The following DRC7 variants were observed in gnomAD, a reference collection of about 807,000 sequenced individuals.
DRC7 encodes dynein regulatory complex subunit 7.
A neutral mutation model predicts 104.4 loss-of-function variants in DRC7; 80 were observed. That is an observed-to-expected ratio of 0.77 (90% confidence interval 0.64 to 0.92). DRC7 has a LOEUF of 0.92. Among genes scored for constraint, DRC7 ranks in the 40% least tolerant of loss-of-function variants. The pLI is 0.00. For missense variants in DRC7, 1,034 were observed against 1,141.1 expected (o/e 0.91, Z 1.35); for synonymous variants, 405 against 447.3 (o/e 0.91, Z 1.19).
At position 57,722,988 on chromosome 16, in the gene DRC7, C is replaced by T. The variant is rs1409824806; in HGVS notation, c.1409-14C>T. On this transcript the variant is annotated splice_polypyrimidine_tract_variant and intron_variant, in intron 11 of 18. Coordinates refer to ENST00000360716, the MANE Select transcript of DRC7 (RefSeq NM_001289162.2). Reference sequence around the variant, plus strand: ...AGCTGGCCTGGCTGCGGCAAGTGTCCATCGGCCCCACAGGTACCAATATTT... The same window carrying T: ...AGCTGGCCTGGCTGCGGCAAGTGTCTATCGGCCCCACAGGTACCAATATTT... The T allele has an allele frequency of 6.2e-7, 1 of 1,613,740 alleles. No individual in the cohort carries two copies. Among genetic ancestry groups the T allele is most frequent in the South Asian group, 1.1e-5 (1 of 91,066 alleles).
chr16:57,718,513 T>C (rs201587629), intron 9 of DRC7, 38 bp downstream of exon 9: 2 of 1,610,096 alleles, frequency 1.2e-6, no homozygotes, highest in African/African-American at 2.7e-5. Context: ...GGAATGTGTG[T>C]GAAGGCTTCA....
intron 8 of DRC7, among the ~76,000 whole-genome samples, chr16:57,713,240 A>G (rs1419825900): frequency 6.6e-6 from 1 of 152,222 alleles, no homozygotes; most frequent in Non-Finnish European, 1.5e-5. Flanking sequence ...ATAAATGTCA[A>G]TAATCTCAAG....
chr16:57,728,668 T>C (rs1457434007), intron 17 of DRC7, 84 bp downstream of exon 17: 25 of 1,196,498 alleles, frequency 2.1e-5, no homozygotes, highest in Non-Finnish European at 2.9e-5. Flanking sequence ...GCCCACTACC[T>C]CACAGGCTTG....
intron 8 of DRC7, chr16:57,707,976 C>A (rs1597799434): frequency 1.6e-5 from 7 of 440,546 alleles, no homozygotes; most frequent in Non-Finnish European, 2.5e-5. Flanking sequence ...TCATCCCATG[C>A]ATACATACAG....
chr16:57,710,271 G>C (rs575092620), intron 8 of DRC7, among the ~76,000 whole-genome samples: 8 of 152,094 alleles, frequency 5.3e-5, no homozygotes, highest in Middle Eastern at 6.8e-3. Context: ...TAAATATTTC[G>C]CTTTTTGATG....
intron 8 of DRC7, among the ~76,000 whole-genome samples, chr16:57,716,471 C>T (rs1341354642): frequency 6.6e-6 from 1 of 150,958 alleles, no homozygotes; most frequent in East Asian, 1.9e-4. Flanking sequence ...CCACTGCACT[C>T]CAGCCTGGGC....
intron 17 of DRC7, 130 bp downstream of exon 17, chr16:57,728,714 T>C: frequency 1.5e-6 from 1 of 686,946 alleles, no homozygotes. Flanking sequence ...TGTCAATGCT[T>C]GGGGTTTCCA....
intron 8 of DRC7, among the ~76,000 whole-genome samples, chr16:57,713,388 T>A (rs755311346): frequency 6.6e-6 from 1 of 152,254 alleles, no homozygotes; most frequent in Non-Finnish European, 1.5e-5. Flanking sequence ...TCTATCAGTA[T>A]TTGCTTCATG....
intron 12 of DRC7, among the ~76,000 whole-genome samples, 198 bp downstream of exon 12, chr16:57,723,328 G>A (rs2048926427): frequency 6.6e-6 from 1 of 152,158 alleles, no homozygotes; most frequent in Admixed American, 6.5e-5. Flanking sequence ...AAATTCTAAG[G>A]AAATATAACA....
At chr16:57,700,316 G>C (rs772840334) in intron 5 of DRC7, 46 bp downstream of exon 5, 14 of 1,574,828 alleles carry the variant, frequency 8.9e-6, no homozygotes, top group Non-Finnish European at 1.2e-5. Context: ...CCAGGACTAA[G>C]ATGGTGTGAG....
At chr16:57,707,406 C>T in intron 7 of DRC7, 54 bp from the exon 8 acceptor site, 1 of 1,536,238 alleles carries the variant, frequency 6.5e-7, no homozygotes, top group Non-Finnish European at 8.8e-7. Context: ...GTCTGGGCCC[C>T]TGACACTCCT....
chr16:57,713,595 C>T (rs371471035), intron 8 of DRC7, among the ~76,000 whole-genome samples: 1 of 152,194 alleles, frequency 6.6e-6, no homozygotes, highest in East Asian at 1.9e-4. Flanking sequence ...CTTTGCAGAA[C>T]TGTGAGTCCA....
At chr16:57,696,140 A>G (rs1292917206) in intron 1 of DRC7, among the ~76,000 whole-genome samples, 2 of 152,324 alleles carry the variant, frequency 1.3e-5, no homozygotes, top group East Asian at 3.9e-4. Flanking sequence ...AGAAATGGAA[A>G]GACCCCAGCT....
At position 57,726,841 on chromosome 16, in the gene DRC7, A is replaced by T; in HGVS notation, c.1984A>T (p.Met662Leu). Residue 662 changes from methionine (M) to leucine (L), a missense_variant, in exon 15 of 19, where the codon ATG becomes TTG. Coordinates refer to ENST00000360716, the MANE Select transcript of DRC7 (RefSeq NM_001289162.2). Reference sequence around the variant, plus strand: ...GTGGTTGTTGTCCCAGGTGGAGCCCATGGAGCACACCAAGAAGCTGCTCTA... The same window carrying T: ...GTGGTTGTTGTCCCAGGTGGAGCCCTTGGAGCACACCAAGAAGCTGCTCTA... ...DMCISFEVEP[M>L]EHTKKLLYQY... 6.2e-7 allele frequency: 1 copy of T among 1,611,142 alleles called. No individual in the cohort carries two copies. The highest frequency in any genetic ancestry group is 8.5e-7 in the Non-Finnish European group (1 of 1,178,290).
At chr16:57,702,988 G>A (rs541644525) in intron 6 of DRC7, among the ~76,000 whole-genome samples, 9 of 151,652 alleles carry the variant, frequency 5.9e-5, no homozygotes, top group African/African-American at 1.5e-4. Context: ...GACTCAAGCC[G>A]TCCTCCTGCC....
rs772479177 is a variant in DRC7, at chr16:57,724,652, T to A, written c.1575T>A (p.Arg525=). ...SYKSMQPEMD[R]VIEFYETARV... ...AGTCCATGCAACCTGAGATGGACCG[T>A]GTCATTGAGTTTTATGAAACGGCCC... Residue 525 remains arginine, a synonymous_variant, in exon 13 of 19, where the codon CGT becomes CGA. Coordinates refer to ENST00000360716, the MANE Select transcript of DRC7 (RefSeq NM_001289162.2). 6.2e-7 allele frequency: 1 copy of A among 1,613,742 alleles called. No individual in the cohort carries two copies. Among genetic ancestry groups the A allele is most frequent in the South Asian group, 1.1e-5 (1 of 91,058 alleles).
At chr16:57,695,191 A>ACGTCGG (rs1335016048) in intron 1 of DRC7, among the ~76,000 whole-genome samples, 1 of 121,652 alleles carries the variant, frequency 8.2e-6, no homozygotes, top group Non-Finnish European at 2.0e-5. Context: ...TGGGACTGAC[A>ACGTCGG]CGTCGGCTTC....
At chr16:57,727,462 T>A in intron 16 of DRC7, 53 bp downstream of exon 16, 1 of 1,342,070 alleles carries the variant, frequency 7.5e-7, no homozygotes, top group Non-Finnish European at 1.1e-6. Context: ...CCCCCTGGTC[T>A]CCAGGGTGGT....
At chr16:57,720,328 T>A (rs1459604486) in intron 9 of DRC7, among the ~76,000 whole-genome samples, 3 of 152,236 alleles carry the variant, frequency 2.0e-5, no homozygotes, top group Non-Finnish European at 4.4e-5. Context: ...CTGCTTGATG[T>A]GATGTGCTTG....
Sources: allele counts gnomAD v4.1 joint callset (sites outside exome capture counted in the v4.1 genomes callset), GRCh38; gene constraint gnomAD v4.1.1; transcripts MANE v1.5; gene names NCBI Gene and HGNC (gene_info 2026-07-23, HGNC 2026-07-21).